The following MGAT4C variants were observed in gnomAD, a reference collection of about 807,000 sequenced individuals.
MGAT4C encodes alpha-1,3-mannosyl-glycoprotein 4-beta-N-acetylglucosaminyltransferase C.
In MGAT4C, 19 loss-of-function variants were observed where a neutral mutation model predicts 40.1. The ratio of observed to expected loss-of-function variants is 0.47; its 90% CI spans 0.33 to 0.70. The LOEUF (loss-of-function observed/expected upper bound fraction) is 0.70, where lower values mean the gene tolerates loss of function less well. Among genes scored for constraint, MGAT4C ranks in the 30% least tolerant of loss-of-function variants. The probability of loss-of-function intolerance (pLI) is 0.02; values close to 1 mark genes in which losing one functional copy is unlikely to be tolerated. For missense variants in MGAT4C, 491 were observed against 563.2 expected, an observed-to-expected ratio of 0.87 and a Z score of 1.30; for synonymous variants, 181 against 187.1, an observed-to-expected ratio of 0.97 and a Z score of 0.27.
chr12:86,332,145 A>G lies in MGAT4C; in HGVS notation c.-57+1920T>C, dbSNP rs139813380. Among the ~76,000 whole-genome samples the G allele has an allele frequency of 4.6e-4, 70 of 152,268 alleles. 1 individual carries two copies. The East Asian group carries it at 0.012, about 27-fold the overall frequency. On this transcript the variant is annotated intron_variant, in intron 4 of 7. Transcript: ENST00000548651. ...AATACAGAATATAATGAACAATTTT[A>G]AATTATAAAAATAGAAAAAAAATCA... is the stretch of plus-strand genomic sequence containing the variant.
At chr12:86,837,898 C>T (rs1455880612) in intron 1 of MGAT4C, among the ~76,000 whole-genome samples, 1 of 152,060 alleles carries the variant, frequency 6.6e-6, no homozygotes, top group South Asian at 2.1e-4. Flanking sequence ...ATTTCAGTTT[C>T]GAATAAGGCT....
intron 1 of MGAT4C, among the ~76,000 whole-genome samples, chr12:86,234,989 T>C (rs540360283): frequency 5.5e-4 from 84 of 152,254 alleles, no homozygotes; most frequent in African/African-American, 1.9e-3. Context: ...TGCTTCATTC[T>C]GTCTCTTCTT....
chr12:86,083,847 C>G (rs1871278135), intron 1 of MGAT4C, among the ~76,000 whole-genome samples: 1 of 151,878 alleles, frequency 6.6e-6, no homozygotes, highest in Non-Finnish European at 1.5e-5. Flanking sequence ...TGGCAAGTTG[C>G]AAAAAGAGAA....
rs929320915 is a variant in MGAT4C, at chr12:86,554,800, T to C, written c.-228-119535A>G. ...AAACTCTGGTTTAAAACAACATAAA[T>C]TTGTTATCTTACATTTTGGAGATCA... On this transcript the variant is annotated intron_variant, in intron 2 of 7. Transcript: ENST00000548651. Among the ~76,000 whole-genome samples the C allele has an allele frequency of 9.9e-5, 15 of 152,266 alleles. No homozygotes were observed. In the South Asian group the frequency reaches 2.3e-3, roughly 23 times the overall value.
intron 2 of MGAT4C, among the ~76,000 whole-genome samples, chr12:86,485,519 T>C (rs1308093829): frequency 1.3e-5 from 2 of 151,972 alleles, no homozygotes; most frequent in African/African-American, 4.8e-5. Context: ...GTCAACTCAC[T>C]CAGAAATTAA....
chr12:86,501,279 G>A (rs892788449), intron 2 of MGAT4C, among the ~76,000 whole-genome samples: 2 of 152,142 alleles, frequency 1.3e-5, no homozygotes, highest in East Asian at 3.9e-4. Context: ...CATTACATTG[G>A]AATTTTAAAA....
intron 1 of MGAT4C, among the ~76,000 whole-genome samples, chr12:86,774,345 C>CTTTCTTTCTTTCTT (rs1951708548): frequency 1.1e-3 from 16 of 14,908 alleles, no homozygotes; most frequent in African/African-American, 2.1e-3. Flanking sequence ...CTTTCTGTCT[C>CTTTCTTTCTTTCTT]TCTCTCTCCC....
At chr12:86,105,717 A>T (rs1471353950) in intron 1 of MGAT4C, among the ~76,000 whole-genome samples, 5 of 152,182 alleles carry the variant, frequency 3.3e-5, no homozygotes, top group African/African-American at 9.7e-5. Flanking sequence ...TTACGATTCA[A>T]TTCAGTGAGT....
At chr12:86,739,881 TAC>T (rs1355416314) in intron 1 of MGAT4C, among the ~76,000 whole-genome samples, 1 of 150,534 alleles carries the variant, frequency 6.6e-6, no homozygotes, top group Admixed American at 6.7e-5. Flanking sequence ...CACATATATA[TAC>T]ACACACACAT....
At chr12:86,302,577 C>T (rs565840701) in intron 4 of MGAT4C, among the ~76,000 whole-genome samples, 18 of 150,334 alleles carry the variant, frequency 1.2e-4, no homozygotes, top group South Asian at 2.1e-4. Context: ...TACAGGCATA[C>T]GCCAACGTGC....
intron 1 of MGAT4C, among the ~76,000 whole-genome samples, chr12:86,733,963 T>C (rs978499570): frequency 6.6e-6 from 1 of 152,096 alleles, no homozygotes; most frequent in Non-Finnish European, 1.5e-5. Context: ...ATCCACTACA[T>C]GTGGAGATCA....
intron 2 of MGAT4C, among the ~76,000 whole-genome samples, chr12:86,494,219 A>G (rs1195595964): frequency 6.6e-6 from 1 of 152,058 alleles, no homozygotes; most frequent in African/African-American, 2.4e-5. Flanking sequence ...TGAAAGATCA[A>G]AAGTTGTAAT....
At chr12:86,120,892 T>C (rs1339687162) in intron 1 of MGAT4C, among the ~76,000 whole-genome samples, 1 of 152,214 alleles carries the variant, frequency 6.6e-6, no homozygotes, top group East Asian at 1.9e-4. Flanking sequence ...GGACAGAGAA[T>C]GACTTTGACG....
chr12:86,164,014 T>C (rs1885905060), intron 1 of MGAT4C, among the ~76,000 whole-genome samples: 1 of 152,192 alleles, frequency 6.6e-6, no homozygotes. Context: ...TTAGCATACC[T>C]GAGTTGGTTT....
At chr12:86,544,717 G>A (rs565148060) in intron 2 of MGAT4C, among the ~76,000 whole-genome samples, 1 of 152,086 alleles carries the variant, frequency 6.6e-6, no homozygotes, top group Non-Finnish European at 1.5e-5. Flanking sequence ...AACAGGGAAT[G>A]GCTTGCTATA....
At chr12:86,653,852 G>T (rs1446053363) in intron 2 of MGAT4C, among the ~76,000 whole-genome samples, 1 of 151,664 alleles carries the variant, frequency 6.6e-6, no homozygotes, top group African/African-American at 2.4e-5. Context: ...ATTAAATGTG[G>T]ATTAAATTAA....
At chr12:86,398,436 A>G (rs1211323685) in intron 3 of MGAT4C, among the ~76,000 whole-genome samples, 4 of 152,170 alleles carry the variant, frequency 2.6e-5, no homozygotes, top group Non-Finnish European at 4.4e-5. Flanking sequence ...CATCTAAGGT[A>G]ACATTTACAA....
chr12:86,263,320 C>T (rs1952701456), intron 4 of MGAT4C, among the ~76,000 whole-genome samples: 1 of 152,084 alleles, frequency 6.6e-6, no homozygotes, highest in Admixed American at 6.5e-5. Context: ...TCTCTTCACC[C>T]ACTCTATCTC....
At chr12:86,227,657 A>C in intron 1 of MGAT4C, among the ~76,000 whole-genome samples, 1 of 151,970 alleles carries the variant, frequency 6.6e-6, no homozygotes, top group East Asian at 1.9e-4. Flanking sequence ...CATCATTAGT[A>C]TCTGTCATGA....
Sources: allele counts gnomAD v4.1 joint callset (sites outside exome capture counted in the v4.1 genomes callset), GRCh38; gene constraint gnomAD v4.1.1; transcripts MANE v1.5; gene names NCBI Gene and HGNC (gene_info 2026-07-23, HGNC 2026-07-21).